LAMA2: variants seen among roughly 807,000 people sequenced by gnomAD.
The protein encoded by LAMA2 is laminin subunit alpha-2.
A neutral mutation model predicts 364.8 loss-of-function variants in LAMA2; 269 were observed. The ratio of observed to expected loss-of-function variants is 0.74; its 90% CI spans 0.67 to 0.82. The LOEUF (loss-of-function observed/expected upper bound fraction) is 0.82. Ranked by LOEUF, LAMA2 falls within the 40% of genes least tolerant of loss-of-function variation. The pLI is 0.00. For missense variants in LAMA2, 3,807 were observed against 3,873.2 expected (o/e 0.98, Z 0.45); for synonymous variants, 1,379 against 1,370.6 (o/e 1.01, Z -0.14).
chr6:129,024,598 G>T (rs1785679851), intron 1 of LAMA2, among the ~76,000 whole-genome samples: 2 of 152,048 alleles, frequency 1.3e-5, no homozygotes, highest in African/African-American at 4.8e-5. Flanking sequence ...ACTTCACCAT[G>T]TTGGCCAGCC....
chr6:128,935,120 T>C (rs1359893869), intron 1 of LAMA2, among the ~76,000 whole-genome samples: 2 of 152,158 alleles, frequency 1.3e-5, no homozygotes, highest in Admixed American at 1.3e-4. Flanking sequence ...ATGTGCAGGT[T>C]TGTTACATAG....
At chr6:129,090,593 G>A (rs1359947574) in intron 3 of LAMA2, among the ~76,000 whole-genome samples, 1 of 152,154 alleles carries the variant, frequency 6.6e-6, no homozygotes, top group Non-Finnish European at 1.5e-5. Flanking sequence ...AAACCACGTT[G>A]TGTGTCCAGT....
At chr6:129,378,622 C>T (rs547520807) in intron 34 of LAMA2, among the ~76,000 whole-genome samples, 30 of 152,278 alleles carry the variant, frequency 2.0e-4, no homozygotes, top group African/African-American at 6.7e-4. Flanking sequence ...CAGTGTCCTC[C>T]ACTCACCTAG....
At chr6:129,202,014 C>T (rs1388651775) in intron 12 of LAMA2, among the ~76,000 whole-genome samples, 1 of 151,534 alleles carries the variant, frequency 6.6e-6, no homozygotes, top group East Asian at 1.9e-4. Context: ...ATGGTGAAAC[C>T]CCATCTCTAC....
chr6:129,095,610 G>T (rs1775125543), intron 3 of LAMA2, among the ~76,000 whole-genome samples: 1 of 151,896 alleles, frequency 6.6e-6, no homozygotes, highest in Admixed American at 6.6e-5. Context: ...ATGGGTTATG[G>T]GTTAAAGATG....
intron 51 of LAMA2, among the ~76,000 whole-genome samples, chr6:129,467,842 C>G (rs1202147170): frequency 2.0e-5 from 3 of 151,900 alleles, no homozygotes; most frequent in Admixed American, 6.6e-5. Flanking sequence ...ACTGTAACTA[C>G]AGCATTCCAT....
chr6:128,991,827 C>T (rs1417345913), intron 1 of LAMA2, among the ~76,000 whole-genome samples: 2 of 152,098 alleles, frequency 1.3e-5, no homozygotes. Flanking sequence ...GTTTAATTTC[C>T]AGTGAGCTCA....
intron 12 of LAMA2, among the ~76,000 whole-genome samples, chr6:129,235,008 G>A (rs975274414): frequency 5.9e-5 from 9 of 152,142 alleles, no homozygotes; most frequent in Non-Finnish European, 1.0e-4. Context: ...ATTTTTAAAA[G>A]TGGGAGTAAA....
At chr6:128,970,273 G>A (rs1782107284) in intron 1 of LAMA2, among the ~76,000 whole-genome samples, 1 of 152,036 alleles carries the variant, frequency 6.6e-6, no homozygotes, top group Non-Finnish European at 1.5e-5. Flanking sequence ...TTTATTACGT[G>A]ACAAGGTTTA....
chr6:129,148,898 T>C (rs1778636841), intron 6 of LAMA2, 81 bp from the exon 7 acceptor site: 7 of 941,698 alleles, frequency 7.4e-6, no homozygotes, highest in Non-Finnish European at 1.2e-5. Context: ...TTCTCTTTTC[T>C]TCATAGTACC....
chr6:128,953,351 C>CA (rs1407676276), intron 1 of LAMA2, among the ~76,000 whole-genome samples: 2 of 151,996 alleles, frequency 1.3e-5, no homozygotes, highest in Non-Finnish European at 2.9e-5. Flanking sequence ...TTTCTGCTCA[C>CA]AAAAAAATTA....
At chr6:129,032,262 T>A (rs1042355685) in intron 1 of LAMA2, among the ~76,000 whole-genome samples, 4 of 152,202 alleles carry the variant, frequency 2.6e-5, no homozygotes. Context: ...AGCTAGACCT[T>A]CAATAGATAA....
chr6:129,321,661 A>C (rs1186372858), intron 28 of LAMA2, among the ~76,000 whole-genome samples: 1 of 151,886 alleles, frequency 6.6e-6, no homozygotes. Context: ...TGTGTAGATG[A>C]TGTAAGTTTT....
At chr6:128,928,592 C>T (rs951294963) in intron 1 of LAMA2, among the ~76,000 whole-genome samples, 7 of 152,180 alleles carry the variant, frequency 4.6e-5, no homozygotes, top group African/African-American at 1.4e-4. Flanking sequence ...CTTATTCTTA[C>T]GATAGAATTC....
chr6:129,145,240 T>G (rs1398016186), intron 5 of LAMA2, among the ~76,000 whole-genome samples: 2 of 152,062 alleles, frequency 1.3e-5, no homozygotes, highest in Non-Finnish European at 2.9e-5. Flanking sequence ...CTCACATGTT[T>G]TCTTTCCTCG....
intron 45 of LAMA2, among the ~76,000 whole-genome samples, chr6:129,450,762 T>C (rs1172782581): frequency 6.6e-6 from 1 of 151,708 alleles, no homozygotes; most frequent in East Asian, 2.0e-4. Flanking sequence ...TTCAGCCCCA[T>C]TCAGAATTGG....
At chr6:129,307,847 A>G (rs1403632653) in intron 22 of LAMA2, among the ~76,000 whole-genome samples, 1 of 152,214 alleles carries the variant, frequency 6.6e-6, no homozygotes, top group Non-Finnish European at 1.5e-5. Context: ...TTTTTATGTT[A>G]GTGGGAGTCG....
At chr6:129,205,533 C>CGT (rs1309372275) in intron 12 of LAMA2, among the ~76,000 whole-genome samples, 2 of 145,376 alleles carry the variant, frequency 1.4e-5, no homozygotes, top group Non-Finnish European at 1.5e-5. Context: ...CACACACACA[C>CGT]GTGTGTGAAA....
At chr6:129,237,699 A>G (rs1254631738) in intron 12 of LAMA2, among the ~76,000 whole-genome samples, 1 of 152,154 alleles carries the variant, frequency 6.6e-6, no homozygotes, top group Non-Finnish European at 1.5e-5. Context: ...TGAAACTGCT[A>G]TGTCAAAGTA....
Sources: allele counts gnomAD v4.1 joint callset (sites outside exome capture counted in the v4.1 genomes callset), GRCh38; gene constraint gnomAD v4.1.1; transcripts MANE v1.5; gene names NCBI Gene and HGNC (gene_info 2026-07-23, HGNC 2026-07-21).